Variants in BRINP3 observed in about 807,000 individuals in gnomAD.
BRINP3 encodes BMP/retinoic acid inducible neural specific 3.
BRINP3 carries 19 observed loss-of-function variants against 71.0 expected under a neutral mutation model. The observed-to-expected ratio is 0.27, with a 90% CI of 0.19 to 0.39. The LOEUF (loss-of-function observed/expected upper bound fraction) is 0.39. BRINP3 is among the 10% of genes least tolerant of loss of function. The probability of loss-of-function intolerance (pLI) is 1.00; values close to 1 mark genes in which losing one functional copy is unlikely to be tolerated. For synonymous variants in BRINP3, 380 were observed against 337.7 expected (o/e 1.13, Z -1.37); for missense variants, 959 against 940.8 (o/e 1.02, Z -0.25).
chr1:190,272,121 A>G (rs1321749225), intron 3 of BRINP3, among the ~76,000 whole-genome samples: 1 of 151,544 alleles, frequency 6.6e-6, no homozygotes, highest in Non-Finnish European at 1.5e-5. Context: ...TTCAGTGTCC[A>G]CATTTGCTTG....
At chr1:190,171,720 C>A (rs1342238008) in intron 6 of BRINP3, among the ~76,000 whole-genome samples, 2 of 152,070 alleles carry the variant, frequency 1.3e-5, no homozygotes, top group Non-Finnish European at 2.9e-5. Flanking sequence ...TATACACTAG[C>A]CACATTGAGT....
chr1:190,249,044 G>A lies in BRINP3; in HGVS notation c.619-14567C>T, dbSNP rs1659875694. Among the ~76,000 whole-genome samples, 4 of 151,662 alleles carry A rather than the reference G, an allele frequency of 2.6e-5. No individual in the cohort carries two copies. The South Asian group carries it at 8.3e-4, about 31-fold the overall frequency. The stretch of plus-strand genomic sequence containing the variant: ...TGTGGGATGCCTCAGAGTATGTGTT[G>A]CTATTTTTTTTTCTTTATTTGCTCA... On this transcript the variant is annotated intron_variant, in intron 4 of 7. Transcript: ENST00000367462.
chr1:190,231,908 A>T (rs915612679), intron 5 of BRINP3, among the ~76,000 whole-genome samples: 7 of 151,914 alleles, frequency 4.6e-5, no homozygotes, highest in African/African-American at 1.4e-4. Context: ...TGCTTTGCTT[A>T]GATACAATTC....
intron 7 of BRINP3, among the ~76,000 whole-genome samples, chr1:190,144,994 C>A (rs1427442810): frequency 6.6e-6 from 1 of 152,162 alleles, no homozygotes; most frequent in Non-Finnish European, 1.5e-5. Flanking sequence ...ACAATGACAA[C>A]CACATAGATA....
chr1:190,356,360 A>AAG (rs899414667), intron 2 of BRINP3, among the ~76,000 whole-genome samples: 29 of 152,078 alleles, frequency 1.9e-4, no homozygotes, highest in African/African-American at 7.0e-4. Context: ...ACCCGATAAG[A>AAG]AGATCAGTGT....
Position 190,277,256 on chromosome 1 carries a change from A to G in BRINP3, c.427+4304T>C, listed in dbSNP as rs191087440. Among the ~76,000 whole-genome samples the G allele has an allele frequency of 2.9e-3, 444 of 150,698 alleles. 5 individuals are homozygous for G. Among genetic ancestry groups the G allele is most frequent in the African/African-American group, 0.01 (421 of 41,240 alleles). ...TTAACAGAAAGGCATAGTGTAGGAA[A>G]GAGGCTGCCCATGAAAACTCCACCT... On this transcript the variant is annotated intron_variant, in intron 3 of 7. Transcript: ENST00000367462.
chr1:190,147,879 T>C (rs1277804456), intron 7 of BRINP3, among the ~76,000 whole-genome samples: 6 of 152,172 alleles, frequency 3.9e-5, no homozygotes, highest in Non-Finnish European at 8.8e-5. Context: ...CTGCCTTAGG[T>C]TACTTCCATC....
At chr1:190,236,869 A>G (rs1436942853) in intron 4 of BRINP3, among the ~76,000 whole-genome samples, 4 of 151,956 alleles carry the variant, frequency 2.6e-5, no homozygotes, top group African/African-American at 9.7e-5. Context: ...ACCAACACAT[A>G]TCACATGAAT....
chr1:190,126,758 T>C (rs1371287955), intron 7 of BRINP3, among the ~76,000 whole-genome samples: 1 of 151,936 alleles, frequency 6.6e-6, no homozygotes, highest in African/African-American at 2.4e-5. Flanking sequence ...ATTTCCTTCA[T>C]AGATTTTAAT....
intron 6 of BRINP3, among the ~76,000 whole-genome samples, chr1:190,186,819 AAAT>A (rs1653570240): frequency 6.6e-6 from 1 of 152,154 alleles, no homozygotes; most frequent in African/African-American, 2.4e-5. Context: ...TAGAAAAAAA[AAAT>A]AACTCTTTTT....
intron 1 of BRINP3, among the ~76,000 whole-genome samples, chr1:190,465,389 C>T (rs986229362): frequency 1.3e-5 from 2 of 151,898 alleles, no homozygotes; most frequent in African/African-American, 4.8e-5. Context: ...TAACTCAGTT[C>T]TCAGCCCCTG....
At chr1:190,253,646 G>C (rs564695993) in intron 4 of BRINP3, among the ~76,000 whole-genome samples, 1 of 152,180 alleles carries the variant, frequency 6.6e-6, no homozygotes, top group African/African-American at 2.4e-5. Flanking sequence ...TTGCAAATTT[G>C]TTTAAATTCT....
intron 2 of BRINP3, among the ~76,000 whole-genome samples, chr1:190,324,941 A>G (rs185116194): frequency 2.0e-5 from 3 of 152,064 alleles, no homozygotes; most frequent in East Asian, 1.9e-4. Context: ...GGAGCTCGAT[A>G]AACAAAAATC....
intron 2 of BRINP3, among the ~76,000 whole-genome samples, chr1:190,444,944 A>C (rs1455358668): frequency 6.6e-6 from 1 of 152,214 alleles, no homozygotes; most frequent in Non-Finnish European, 1.5e-5. Context: ...TTTTTCAACC[A>C]ACATGTTTTA....
At chr1:190,143,037 T>C (rs917364951) in intron 7 of BRINP3, among the ~76,000 whole-genome samples, 2 of 152,172 alleles carry the variant, frequency 1.3e-5, no homozygotes, top group Non-Finnish European at 2.9e-5. Context: ...AGCTACCCAA[T>C]TTCCTTCTTT....
At chr1:190,358,128 A>T (rs1668865041) in intron 2 of BRINP3, among the ~76,000 whole-genome samples, 1 of 152,188 alleles carries the variant, frequency 6.6e-6, no homozygotes, top group Admixed American at 6.5e-5. Flanking sequence ...AAACACCAAA[A>T]GCAATGGCAA....
rs146361710 is a variant in BRINP3, at chr1:190,258,842, A to T, written c.618+6023T>A. ...TTTGGAGGAGCCATGTAGCCACAAGATAAAGCTGAACAAGGGCTAGGCATA... is the reference window on the plus strand; with the variant it reads ...TTTGGAGGAGCCATGTAGCCACAAGTTAAAGCTGAACAAGGGCTAGGCATA... On this transcript the variant is annotated intron_variant, in intron 4 of 7. Transcript: ENST00000367462. 6.6e-3 allele frequency among the ~76,000 whole-genome samples: 1,001 copies of T among 152,304 alleles called. 6 individuals carry two copies. Among genetic ancestry groups the T allele is most frequent in the African/African-American group, 0.021 (889 of 41,570 alleles).
intron 2 of BRINP3, among the ~76,000 whole-genome samples, chr1:190,343,885 A>G (rs1667834175): frequency 6.6e-6 from 1 of 151,720 alleles, no homozygotes; most frequent in Non-Finnish European, 1.5e-5. Context: ...TTATTCCTAT[A>G]GACTTGTTCC....
chr1:190,122,185 C>T (rs1391465489), intron 7 of BRINP3, among the ~76,000 whole-genome samples: 1 of 152,098 alleles, frequency 6.6e-6, no homozygotes, highest in African/African-American at 2.4e-5. Context: ...CATTGTTTAA[C>T]TCACTTACAT....
Sources: gnomAD v4.1 joint callset for allele counts (sites outside exome capture counted in the v4.1 genomes callset) on GRCh38, gnomAD v4.1.1 for gene constraint, MANE v1.5 for transcripts, NCBI Gene and HGNC (gene_info 2026-07-23, HGNC 2026-07-21) for gene names.